The following PSEN2 variants were observed in gnomAD, a reference collection of about 807,000 sequenced individuals.
PSEN2 encodes presenilin-2.
PSEN2 carries 32 observed loss-of-function variants against 49.1 expected under a neutral mutation model. The observed-to-expected ratio is 0.65, with a 90% CI of 0.49 to 0.88. The LOEUF (loss-of-function observed/expected upper bound fraction) is 0.88, where lower values mean the gene tolerates loss of function less well. Ranked by LOEUF, PSEN2 falls within the 40% of genes least tolerant of loss-of-function variation. The pLI is 0.00. For missense variants in PSEN2, 522 were observed against 586.9 expected (o/e 0.89, Z 1.14); for synonymous variants, 255 against 244.0 (o/e 1.05, Z -0.42).
chr1:226,900,260 A>G (rs1662272957), downstream of PSEN2, among the ~76,000 whole-genome samples: 1 of 152,130 alleles, frequency 6.6e-6, no homozygotes, highest in Admixed American at 6.5e-5. Flanking sequence ...GTCAGTGGTT[A>G]GGAGACCCTC....
chr1:226,885,892 C>T (rs1366220833), intron 6 of PSEN2, among the ~76,000 whole-genome samples: 1 of 152,142 alleles, frequency 6.6e-6, no homozygotes. Flanking sequence ...TTTCTTGAAA[C>T]ATGGTCTCAC....
At chr1:226,889,143 C>G in intron 8 of PSEN2, 94 bp downstream of exon 8, 1 of 1,161,738 alleles carries the variant, frequency 8.6e-7, no homozygotes, top group Non-Finnish European at 1.2e-6. Flanking sequence ...TGCTGAAGGG[C>G]TTGCATCCCT....
chr1:226,877,763 C>T (rs1032722401), intron 3 of PSEN2, among the ~76,000 whole-genome samples: 3 of 152,230 alleles, frequency 2.0e-5, no homozygotes, highest in East Asian at 3.9e-4. Flanking sequence ...CACTTGTTTT[C>T]TGGTGAGGAG....
chr1:226,888,019 T>C (rs2102682237), intron 6 of PSEN2, 72 bp from the exon 7 acceptor site: 1 of 1,288,966 alleles, frequency 7.8e-7, no homozygotes, highest in South Asian at 1.2e-5. Context: ...GGTATCAGTC[T>C]CAGGATCCTG....
At chr1:226,901,371 G>C (rs1662314411), downstream of PSEN2, among the ~76,000 whole-genome samples, 1 of 151,202 alleles carries the variant, frequency 6.6e-6, no homozygotes, top group South Asian at 2.1e-4. Context: ...GGGAGGCAGA[G>C]GTTGCAGTGA....
intron 7 of PSEN2, 94 bp downstream of exon 7, chr1:226,888,252 C>T: frequency 1.7e-6 from 2 of 1,172,812 alleles, no homozygotes; most frequent in Admixed American, 1.7e-5. Flanking sequence ...GAAAGATGAC[C>T]ATCGAGCTCC....
At chr1:226,878,538 G>T (rs1660778428) in intron 3 of PSEN2, among the ~76,000 whole-genome samples, 1 of 152,122 alleles carries the variant, frequency 6.6e-6, no homozygotes, top group Non-Finnish European at 1.5e-5. Context: ...ATTGCTATTT[G>T]GGAGCCTAAG....
intron 12 of PSEN2, chr1:226,903,552 G>A (rs907465603): frequency 1.3e-5 from 2 of 152,016 alleles, no homozygotes; most frequent in Admixed American, 6.6e-5. Flanking sequence ...GAAGAGGTTG[G>A]CCCCAGAGTC....
chr1:226,874,632 A>C (rs865812767), intron 2 of PSEN2, among the ~76,000 whole-genome samples: 2 of 152,206 alleles, frequency 1.3e-5, no homozygotes, highest in Middle Eastern at 3.4e-3. Flanking sequence ...GTCCTTTCTC[A>C]CTGTGTCCCT....
rs1661490668 is a variant in PSEN2, at chr1:226,888,101, G to C, written c.509G>C (p.Gly170Ala). ...YKYRCYKFIH[G>A]WLIMSSLMLL... ...ATTTCTGTTGTCTAGTTCATCCATG[G>C]CTGGTTGATCATGTCTTCACTGATG... The change falls in exon 7 of 13, where the codon GGC becomes GCC. Residue 170 changes from glycine (G) to alanine (A), a missense_variant. By Grantham distance (60) the Gly-to-Ala change is moderately conservative. Coordinates refer to ENST00000366783, the MANE Select transcript of PSEN2 (RefSeq NM_000447.3). 1 of 1,613,542 alleles carries C rather than the reference G, an allele frequency of 6.2e-7. No individual in the cohort carries two copies. The highest frequency in any genetic ancestry group is 1.1e-5 in the South Asian group (1 of 91,080).
intron 6 of PSEN2, among the ~76,000 whole-genome samples, chr1:226,887,265 G>C (rs976147669): frequency 3.9e-5 from 6 of 152,286 alleles, no homozygotes; most frequent in East Asian, 1.9e-4. Context: ...GGATGAAGAG[G>C]GTTGGCAGGT....
intron 8 of PSEN2, 100 bp downstream of exon 8, chr1:226,889,149 T>A: frequency 1.8e-6 from 2 of 1,124,676 alleles, no homozygotes; most frequent in Non-Finnish European, 2.6e-6. Flanking sequence ...AGGGCTTGCA[T>A]CCCTTTCTGC....
In PSEN2 at chr1:226,885,570, C is replaced by T. The variant is rs63750197; in HGVS notation, c.389C>T (p.Ser130Leu). The T allele has an allele frequency of 1.2e-3, 1,938 of 1,614,032 alleles. 3 individuals are homozygous for T. The highest frequency in any genetic ancestry group is 1.5e-3 in the Non-Finnish European group (1,807 of 1,180,014). Residue 130 changes from serine to leucine, a missense_variant, in exon 6 of 13, where the codon TCG becomes TTG. Transcript: ENST00000366783. ...IYTPFTEDTP[S>L]VGQRLLNSVL... The stretch of plus-strand genomic sequence containing the variant: ...ACGCCATTCACTGAGGACACACCCT[C>T]GGTGGGCCAGCGCCTCCTCAACTCC...
intron 2 of PSEN2, among the ~76,000 whole-genome samples, chr1:226,871,933 G>A (rs369848313): frequency 5.5e-4 from 84 of 152,392 alleles, no homozygotes; most frequent in African/African-American, 2.0e-3. Flanking sequence ...TTGGGTTCCA[G>A]GGCAGAGACT....
intron 6 of PSEN2, 31 bp from the exon 7 acceptor site, chr1:226,888,060 A>G: frequency 6.3e-7 from 1 of 1,585,736 alleles, no homozygotes; most frequent in Non-Finnish European, 8.7e-7. Context: ...GCTTGGGGAC[A>G]CCTTGTGATC....
chr1:226,876,961 G>T (rs1343104376), intron 3 of PSEN2, among the ~76,000 whole-genome samples: 1 of 152,114 alleles, frequency 6.6e-6, no homozygotes, highest in Non-Finnish European at 1.5e-5. Flanking sequence ...ATGCCGCTCT[G>T]CTGGTCTGAG....
chr1:226,894,111 G>T lies in PSEN2; in HGVS notation c.1177G>T (p.Val393Leu). The T allele has an allele frequency of 1.2e-6, 2 of 1,614,010 alleles. No individual in the cohort carries two copies. The highest frequency in any genetic ancestry group is 1.7e-6 in the Non-Finnish European group (2 of 1,179,894). Residue 393 changes from valine to leucine, a missense_variant, in exon 12 of 13, where the codon GTG (valine) becomes TTG (leucine). Coordinates refer to ENST00000366783, the MANE Select transcript of PSEN2 (RefSeq NM_000447.3). ...GDWNTTLACF[V>L]AILIGLCLTL... ...CTGGAATACCACGCTGGCCTGCTTC[G>T]TGGCCATCCTCATTGTGAGTGGCTG...
Position 226,883,762 on chromosome 1 carries a change from G to T in PSEN2, c.199G>T (p.Gly67Trp). 6 of 1,614,160 alleles carry T rather than the reference G, an allele frequency of 3.7e-6. No individual in the cohort carries two copies. The highest frequency in any genetic ancestry group is 5.1e-6 in the Non-Finnish European group (6 of 1,180,018). The change falls in exon 5 of 13, where the codon GGG (glycine) becomes TGG (tryptophan). Residue 67 changes from glycine to tryptophan, a missense_variant. Transcript: ENST00000366783. ...GGACCCTGACCGCTATGTCTGTAGT[G>T]GGGTTCCCGGGCGGCCGCCAGGCCT... ...EEDPDRYVCS[G>W]VPGRPPGLEE...
At chr1:226,877,945 C>T (rs988320058) in intron 3 of PSEN2, among the ~76,000 whole-genome samples, 4 of 152,226 alleles carry the variant, frequency 2.6e-5, no homozygotes, top group African/African-American at 4.8e-5. Flanking sequence ...TAGACCAGGT[C>T]ACTGTCTAGC....
Sources: gnomAD v4.1 joint callset for allele counts (sites outside exome capture counted in the v4.1 genomes callset) on GRCh38, gnomAD v4.1.1 for gene constraint, MANE v1.5 for transcripts, NCBI Gene and HGNC (gene_info 2026-07-23, HGNC 2026-07-21) for gene names.